Variants in LRFN3 observed in about 807,000 individuals in gnomAD.
The protein encoded by LRFN3 is leucine rich repeat and fibronectin type III domain containing 3.
A neutral mutation model predicts 23.8 loss-of-function variants in LRFN3; 8 were observed. The observed-to-expected ratio is 0.34, with a 90% confidence interval of 0.20 to 0.61. The LOEUF (loss-of-function observed/expected upper bound fraction) is 0.61, where lower values mean the gene tolerates loss of function less well. Ranked by LOEUF, LRFN3 falls within the 20% of genes least tolerant of loss-of-function variation. The probability of loss-of-function intolerance (pLI) is 0.80; values close to 1 mark genes in which losing one functional copy is unlikely to be tolerated. For synonymous variants in LRFN3, 451 were observed against 450.6 expected (o/e 1.00, Z -0.01); for missense variants, 736 against 935.3 (o/e 0.79, Z 2.78).
Position 35,944,891 on chromosome 19 carries a change from A to G in LRFN3, c.1759A>G (p.Asn587Asp). Residue 587 changes from asparagine (N) to aspartate (D), a missense_variant, in exon 3 of 3, where the codon AAC becomes GAC. Coordinates refer to ENST00000246529, the MANE Select transcript of LRFN3 (RefSeq NM_024509.2). The surrounding 1 kb of genome is among the most constrained non-coding windows in gnomAD (Gnocchi z 4.5). ...APVSSVCSQT[N>D]GALGPTPTPA... ...TGTTAGCAGCGTTTGCTCCCAGACC[A>G]ACGGCGCCCTGGGCCCCACGCCCAC... 6.3e-7 allele frequency: 1 copy of G among 1,593,618 alleles called. No homozygotes were observed. Among genetic ancestry groups the G allele is most frequent in the Non-Finnish European group, 8.5e-7 (1 of 1,177,496 alleles).
chr19:35,940,013 C>T lies in LRFN3; in HGVS notation c.588C>T (p.Pro196=), dbSNP rs149386300. The T allele has an allele frequency of 5.0e-4, 807 of 1,612,088 alleles. 1 individual carries two copies. Among genetic ancestry groups the T allele is most frequent in the Non-Finnish European group, 6.4e-4 (755 of 1,179,860 alleles). Reference sequence around the variant, plus strand: ...ACCACAACCTGCTGGCTTCTGTGCCCGCCGGCGCTTTTTCCCGCCTGCACA... The same window carrying T: ...ACCACAACCTGCTGGCTTCTGTGCCTGCCGGCGCTTTTTCCCGCCTGCACA... The part of the protein sequence containing the change: ...GLDHNLLASV[P]AGAFSRLHKL... Residue 196 remains proline, a synonymous_variant, in exon 2 of 3, where the codon CCC becomes CCT. Transcript: ENST00000246529.
Position 35,939,619 on chromosome 19 carries a change from G to A in LRFN3, c.194G>A (p.Arg65Gln), listed in dbSNP as rs745661591. Reference sequence around the variant, plus strand: ...CTGGACCGCCGGGCAGCCGAGCTGCGGCTGGCAGACAACTTCATCGCCTCC... The same window carrying A: ...CTGGACCGCCGGGCAGCCGAGCTGCAGCTGGCAGACAACTTCATCGCCTCC... ...PSLDRRAAEL[R>Q]LADNFIASVR... Residue 65 changes from arginine (R) to glutamine (Q), a missense_variant, in exon 2 of 3, where the codon CGG becomes CAG. This residue lies in a region of LRFN3 where 446 missense variants were observed against 647.9 expected (regional missense o/e 0.69). Transcript: ENST00000246529. The surrounding 1 kb of genome is among the most constrained non-coding windows in gnomAD (Gnocchi z 6.4). 20 of 1,609,140 alleles carry A rather than the reference G, an allele frequency of 1.2e-5. No homozygotes were observed. The highest frequency in any genetic ancestry group is 3.3e-5 in the Admixed American group (2 of 59,958).
In LRFN3 at chr19:35,944,744, A is replaced by T; in HGVS notation, c.1612A>T (p.Thr538Ser). The part of the protein sequence containing the change: ...GAPHAPFLGG[T>S]MIIALGGVIV... ...GCCGCACGCTCCCTTCCTGGGCGGC[A>T]CGATGATCATCGCGCTGGGCGGCGT... The change falls in exon 3 of 3, where the codon ACG becomes TCG. Residue 538 changes from threonine (T) to serine (S), a missense_variant. Physicochemically the swap from Thr to Ser is moderately conservative, Grantham distance 58 (BLOSUM62 1). Coordinates refer to ENST00000246529, the MANE Select transcript of LRFN3 (RefSeq NM_024509.2). This position sits in a 1 kb window ranked among gnomAD's most constrained non-coding sequence, Gnocchi z 4.5. 1 of 1,608,442 alleles carries T rather than the reference A, an allele frequency of 6.2e-7. No individual in the cohort carries two copies. Among genetic ancestry groups the T allele is most frequent in the South Asian group, 1.1e-5 (1 of 90,354 alleles).
Position 35,940,626 on chromosome 19 carries a change from C to T in LRFN3, c.1201C>T (p.Arg401Trp), listed in dbSNP as rs758587663. 18 of 1,609,938 alleles carry T rather than the reference C, an allele frequency of 1.1e-5. No homozygotes were observed. The highest frequency in any genetic ancestry group is 1.6e-4 in the Middle Eastern group (1 of 6,072). The change falls in exon 2 of 3, where the codon CGG becomes TGG. Residue 401 changes from arginine (R) to tryptophan (W), a missense_variant. Arg to Trp is a moderately radical substitution (Grantham distance 101, BLOSUM62 -3). Coordinates refer to ENST00000246529, the MANE Select transcript of LRFN3 (RefSeq NM_024509.2). ...LANSTSCDPP[R>W]DGDPDALTPP... ...CAACAGCACCAGCTGTGACCCCCCGCGGGACGGGGATCCTGATGCTCTCAC... is the reference window on the plus strand; with the variant it reads ...CAACAGCACCAGCTGTGACCCCCCGTGGGACGGGGATCCTGATGCTCTCAC...
Position 35,945,948 on chromosome 19 carries a change from C to A in LRFN3, c.*929C>A, listed in dbSNP as rs557791266. Among the ~76,000 whole-genome samples the A allele has an allele frequency of 4.0e-5, 6 of 151,888 alleles. No homozygotes were observed. The South Asian group carries it at 1.2e-3, about 32-fold the overall frequency. On this transcript the variant is annotated 3_prime_UTR_variant, in exon 3 of 3. Coordinates refer to ENST00000246529, the MANE Select transcript of LRFN3 (RefSeq NM_024509.2). Reference sequence around the variant, plus strand: ...GGGCAGGGACCTGGGTGGGTGAGGACGAAGTTGGACCAGCTGGGCTAGGGA... The same window carrying A: ...GGGCAGGGACCTGGGTGGGTGAGGAAGAAGTTGGACCAGCTGGGCTAGGGA...
rs765901431 is a variant in LRFN3, at chr19:35,940,227, G to T, written c.802G>T (p.Asp268Tyr). Residue 268 changes from aspartate to tyrosine, a missense_variant, in exon 2 of 3, where the codon GAC (aspartate) becomes TAC (tyrosine). By Grantham distance (160) the Asp-to-Tyr change is radical. Coordinates refer to ENST00000246529, the MANE Select transcript of LRFN3 (RefSeq NM_024509.2). ...GCTGCGTCGCCTGGCGCGGGAGGACGACCTCGAGGCCTGCGCGTCCCCACC... is the reference window on the plus strand; with the variant it reads ...GCTGCGTCGCCTGGCGCGGGAGGACTACCTCGAGGCCTGCGCGTCCCCACC... ...VWLRRLARED[D>Y]LEACASPPAL... 1.9e-6 allele frequency: 3 copies of T among 1,607,788 alleles called. No homozygotes were observed. Among genetic ancestry groups the T allele is most frequent in the Non-Finnish European group, 2.5e-6 (3 of 1,179,402 alleles).
In LRFN3 at chr19:35,945,071, G is replaced by A. The variant is rs779680093; in HGVS notation, c.*52G>A. 8.0e-6 allele frequency: 9 copies of A among 1,130,284 alleles called. No individual in the cohort carries two copies. In the Admixed American group the frequency reaches 1.2e-4, roughly 15 times the overall value. The allele number at this position is 1,130,284 out of a possible 1,614,324, so 70.0% of individuals were successfully genotyped here. A position where few individuals can be genotyped will look rare whatever the true frequency, so the allele number is the denominator to read the frequency against. Reference sequence around the variant, plus strand: ...TCTGGCCCCACGGACAGCAGGACCCGGACACCCTGTGGGACCTGGCCTCAA... The same window carrying A: ...TCTGGCCCCACGGACAGCAGGACCCAGACACCCTGTGGGACCTGGCCTCAA... On this transcript the variant is annotated 3_prime_UTR_variant, in exon 3 of 3. Coordinates refer to ENST00000246529, the MANE Select transcript of LRFN3 (RefSeq NM_024509.2).
At chr19:35,941,694 G>A (rs1976123673) in intron 2 of LRFN3, among the ~76,000 whole-genome samples, 1 of 151,816 alleles carries the variant, frequency 6.6e-6, no homozygotes, top group Non-Finnish European at 1.5e-5. Flanking sequence ...TCAGCCTCTC[G>A]AGTAGCTGGG....
chr19:35,939,863 G>A lies in LRFN3; in HGVS notation c.438G>A (p.Leu146=). ...LILSNNQLAA[L]AAGALDDCAE... is the part of the protein sequence containing the mutation. ...TCAGCAACAACCAGCTGGCAGCGCT[G>A]GCGGCCGGCGCCCTGGATGATTGTG... Residue 146 remains leucine (L), a synonymous_variant, in exon 2 of 3, where the codon CTG becomes CTA. Coordinates refer to ENST00000246529, the MANE Select transcript of LRFN3 (RefSeq NM_024509.2). This position sits in a 1 kb window ranked among gnomAD's most constrained non-coding sequence, Gnocchi z 6.4. 1.9e-6 allele frequency: 3 copies of A among 1,601,336 alleles called. No homozygotes were observed. Among genetic ancestry groups the A allele is most frequent in the Non-Finnish European group, 2.5e-6 (3 of 1,179,808 alleles).
At chr19:35,941,816 C>T (rs1422807537) in intron 2 of LRFN3, among the ~76,000 whole-genome samples, 7 of 152,096 alleles carry the variant, frequency 4.6e-5, no homozygotes, top group African/African-American at 1.7e-4. Flanking sequence ...TCAGGTGATC[C>T]ACCTGCCTCA....
In LRFN3 at chr19:35,939,336, T is replaced by C. The variant is rs1976089096; in HGVS notation, c.-16-74T>C. ...CTGCCCTCAGCCCACTGTGACCTTCTCTCCTGGTCTCAGACCACCCCCAGC... is the reference window on the plus strand; with the variant it reads ...CTGCCCTCAGCCCACTGTGACCTTCCCTCCTGGTCTCAGACCACCCCCAGC... On this transcript the variant is annotated intron_variant, in intron 1 of 2. Transcript: ENST00000246529. The surrounding 1 kb of genome is among the most constrained non-coding windows in gnomAD (Gnocchi z 6.4). 1 of 1,438,878 alleles carries C rather than the reference T, an allele frequency of 6.9e-7. No homozygotes were observed. The highest frequency in any genetic ancestry group is 1.3e-5 in the South Asian group (1 of 76,282). The allele number at this position is 1,438,878 out of a possible 1,614,324, so 89.1% of individuals were successfully genotyped here.
Position 35,944,430 on chromosome 19 carries a change from A to G in LRFN3, c.1416-118A>G. ...GTTGGTGAGAGGGAGCTCATTGGGT[A>G]GAATGAAATGAAGGAGTGGACTGGT... On this transcript the variant is annotated intron_variant, in intron 2 of 2. Coordinates refer to ENST00000246529, the MANE Select transcript of LRFN3 (RefSeq NM_024509.2). The surrounding 1 kb of genome is among the most constrained non-coding windows in gnomAD (Gnocchi z 4.5). 1.6e-6 allele frequency: 1 copy of G among 617,836 alleles called. No homozygotes were observed. Among genetic ancestry groups the G allele is most frequent in the Non-Finnish European group, 2.5e-6 (1 of 393,172 alleles). The allele number at this position is 617,836 out of a possible 1,614,324, so 38.3% of individuals were successfully genotyped here.
In LRFN3 at chr19:35,936,956, A is replaced by T. The variant is rs1450322752; in HGVS notation, c.-616A>T. The stretch of plus-strand genomic sequence containing the variant: ...CCCCAATATTTGGAGCAGAACCCCA[A>T]GATTTGACATCTAAAACCTCAAGCC... On this transcript the variant is annotated 5_prime_UTR_variant, in exon 1 of 3. The change creates a new upstream start codon in the 5' untranslated region. Transcript: ENST00000246529. The T allele has an allele frequency of 6.6e-6, 1 of 152,338 alleles. No homozygotes were observed. The highest frequency in any genetic ancestry group is 1.5e-5 in the Non-Finnish European group (1 of 68,126). 9.4% of individuals were successfully genotyped at this position (152,338 alleles called of 1,614,324 possible).
chr19:35,938,810 C>T (rs1453487524), intron 1 of LRFN3, among the ~76,000 whole-genome samples: 1 of 152,336 alleles, frequency 6.6e-6, no homozygotes, highest in Non-Finnish European at 1.5e-5. Context: ...CTTCTCTTCT[C>T]TGGTCATATC....
At chr19:35,938,246 A>C (rs192441691) in intron 1 of LRFN3, among the ~76,000 whole-genome samples, 1 of 149,914 alleles carries the variant, frequency 6.7e-6, no homozygotes, top group Non-Finnish European at 1.5e-5. Context: ...CCTAACTCCC[A>C]GTCTGCAACT....
rs773171905 is a variant in LRFN3, at chr19:35,940,223, G to A, written c.798G>A (p.Glu266=). The A allele has an allele frequency of 6.2e-7, 1 of 1,608,118 alleles. No individual in the cohort carries two copies. Among genetic ancestry groups the A allele is most frequent in the Non-Finnish European group, 8.5e-7 (1 of 1,179,444 alleles). ...TGTGGCTGCGTCGCCTGGCGCGGGA[G>A]GACGACCTCGAGGCCTGCGCGTCCC... The part of the protein sequence containing the change: ...ELVWLRRLAR[E]DDLEACASPP... Residue 266 remains glutamate (E), a synonymous_variant, in exon 2 of 3, where the codon GAG becomes GAA. Transcript: ENST00000246529.
chr19:35,945,272 G>A lies in LRFN3; in HGVS notation c.*253G>A, dbSNP rs1976166817. The A allele has an allele frequency of 5.2e-6, 2 of 384,036 alleles. No individual in the cohort carries two copies. The highest frequency in any genetic ancestry group is 4.6e-6 in the Non-Finnish European group (1 of 217,024). The allele number at this position is 384,036 out of a possible 1,614,324, so 23.8% of individuals were successfully genotyped here. ...TGGAGCTGGGGAATGCCTCCTTTGG[G>A]GAGACACCCCCTCCCCGCCCAGTTC... On this transcript the variant is annotated 3_prime_UTR_variant, in exon 3 of 3. Transcript: ENST00000246529.
At chr19:35,942,164 G>A (rs1264805648) in intron 2 of LRFN3, among the ~76,000 whole-genome samples, 1 of 152,194 alleles carries the variant, frequency 6.6e-6, no homozygotes, top group African/African-American at 2.4e-5. Context: ...TTACAGGCCT[G>A]AGCCACCGCG....
chr19:35,939,604 G>A lies in LRFN3; in HGVS notation c.179G>A (p.Arg60Gln), dbSNP rs757480500. Residue 60 changes from arginine to glutamine, a missense_variant, in exon 2 of 3, where the codon CGG becomes CAG. By Grantham distance (43) the Arg-to-Gln change is conservative. This residue lies in a region of LRFN3 where 446 missense variants were observed against 647.9 expected (regional missense o/e 0.69). Transcript: ENST00000246529. The surrounding 1 kb of genome is among the most constrained non-coding windows in gnomAD (Gnocchi z 6.4). ...LLFVPPSLDR[R>Q]AAELRLADNF... is the part of the protein sequence containing the mutation. ...TTCGTGCCACCCTCGCTGGACCGCCGGGCAGCCGAGCTGCGGCTGGCAGAC... is the reference window on the plus strand; with the variant it reads ...TTCGTGCCACCCTCGCTGGACCGCCAGGCAGCCGAGCTGCGGCTGGCAGAC... 25 of 1,608,884 alleles carry A rather than the reference G, an allele frequency of 1.6e-5. No homozygotes were observed. The highest frequency in any genetic ancestry group is 4.5e-5 in the East Asian group (2 of 44,860).
Sources: gnomAD v4.1 joint callset for allele counts (sites outside exome capture counted in the v4.1 genomes callset) on GRCh38, gnomAD v4.1.1 for gene constraint, gnomAD v4.1.1 regional missense constraint, Gnocchi (gnomAD v3.1) non-coding constraint, MANE v1.5 for transcripts, NCBI Gene and HGNC (gene_info 2026-07-23, HGNC 2026-07-21) for gene names.